Variants in POU6F2 observed in about 807,000 individuals in gnomAD.
POU6F2 encodes the protein POU class 6 homeobox 2, also known as POU domain, class 6, transcription factor 2.
Under a neutral mutation model 71.3 loss-of-function variants are expected in POU6F2, and 31 were observed. The observed-to-expected ratio is 0.43, with a 90% CI of 0.33 to 0.59. The LOEUF (loss-of-function observed/expected upper bound fraction) is 0.59. Ranked by LOEUF, POU6F2 falls within the 20% of genes least tolerant of loss-of-function variation. The pLI, the probability that POU6F2 is intolerant of heterozygous loss-of-function variation, is 0.04. For missense variants in POU6F2, 783 were observed against 856.8 expected, an observed-to-expected ratio of 0.91 and a Z score of 1.07; for synonymous variants, 347 against 355.7, an observed-to-expected ratio of 0.98 and a Z score of 0.27.
intron 1 of POU6F2, among the ~76,000 whole-genome samples, chr7:38,980,028 G>T (rs1788277796): frequency 6.6e-6 from 1 of 152,044 alleles, no homozygotes; most frequent in Non-Finnish European, 1.5e-5. Flanking sequence ...AATTTGTCAG[G>T]ATTTAAAATT....
At chr7:39,074,180 C>T (rs575909761) in intron 1 of POU6F2, among the ~76,000 whole-genome samples, 4 of 152,274 alleles carry the variant, frequency 2.6e-5, no homozygotes, top group African/African-American at 9.6e-5. Context: ...GAAGCCCCAT[C>T]TCTACTAAAA....
At chr7:39,338,586 C>T (rs781299609) in intron 4 of POU6F2, among the ~76,000 whole-genome samples, 4 of 152,182 alleles carry the variant, frequency 2.6e-5, no homozygotes, top group African/African-American at 7.2e-5. Context: ...ATGGTTGCAT[C>T]GTCATTTCAC....
intron 1 of POU6F2, among the ~76,000 whole-genome samples, chr7:38,998,816 A>ATTTTTTT (rs757703122): frequency 2.1e-4 from 25 of 116,550 alleles, no homozygotes; most frequent in African/African-American, 5.2e-4. Context: ...CACCCGGCTA[A>ATTTTTTT]TTTTTTTTTT....
chr7:39,082,869 A>G (rs1791155660), intron 1 of POU6F2, among the ~76,000 whole-genome samples: 1 of 151,860 alleles, frequency 6.6e-6, no homozygotes, highest in South Asian at 2.1e-4. Context: ...GCATTATGGA[A>G]AACGTAAAGT....
intron 4 of POU6F2, among the ~76,000 whole-genome samples, chr7:39,212,371 G>A (rs1584604659): frequency 1.3e-5 from 2 of 152,176 alleles, no homozygotes; most frequent in Admixed American, 6.5e-5. Context: ...CAATGGTGAG[G>A]TTTAGGTTCT....
At chr7:39,017,813 C>CGCGTGT (rs1554308521) in intron 1 of POU6F2, among the ~76,000 whole-genome samples, 1 of 147,924 alleles carries the variant, frequency 6.8e-6, no homozygotes, top group African/African-American at 2.5e-5. Context: ...ATTGTGCATG[C>CGCGTGT]GTGTGTGTGT....
At chr7:39,180,525 G>T (rs1793415653) in intron 2 of POU6F2, among the ~76,000 whole-genome samples, 1 of 152,142 alleles carries the variant, frequency 6.6e-6, no homozygotes, top group Non-Finnish European at 1.5e-5. Flanking sequence ...TGCTCCCAGG[G>T]ATTAGCTTGT....
At chr7:39,126,270 G>C (rs1019592150) in intron 2 of POU6F2, among the ~76,000 whole-genome samples, 1 of 152,210 alleles carries the variant, frequency 6.6e-6, no homozygotes, top group Admixed American at 6.5e-5. Flanking sequence ...GATAGGGAAA[G>C]GAAAAGGAAA....
intron 7 of POU6F2, among the ~76,000 whole-genome samples, chr7:39,440,857 G>A (rs1186206870): frequency 6.6e-6 from 1 of 152,010 alleles, no homozygotes; most frequent in African/African-American, 2.4e-5. Flanking sequence ...ATCGTTGGAG[G>A]GTTTTTGTGA....
chr7:39,112,341 T>A (rs1483159666), intron 2 of POU6F2, among the ~76,000 whole-genome samples: 1 of 152,204 alleles, frequency 6.6e-6, no homozygotes, highest in Non-Finnish European at 1.5e-5. Flanking sequence ...AAGTGCTCGC[T>A]ATAACAAAAT....
At chr7:39,334,948 A>C (rs1785736502) in intron 4 of POU6F2, among the ~76,000 whole-genome samples, 1 of 152,166 alleles carries the variant, frequency 6.6e-6, no homozygotes, top group South Asian at 2.1e-4. Context: ...AGTTAGGGAC[A>C]AATCCAGCTG....
chr7:39,387,930 C>T (rs1301876711), intron 5 of POU6F2, among the ~76,000 whole-genome samples: 2 of 152,128 alleles, frequency 1.3e-5, no homozygotes, highest in Non-Finnish European at 2.9e-5. Context: ...CCTCCTGCCT[C>T]GAGCAGTCAT....
intron 6 of POU6F2, among the ~76,000 whole-genome samples, chr7:39,424,956 G>A (rs1170251603): frequency 1.3e-5 from 2 of 152,048 alleles, no homozygotes; most frequent in Non-Finnish European, 2.9e-5. Context: ...CAAAGGACCC[G>A]AGAAATATTC....
intron 4 of POU6F2, among the ~76,000 whole-genome samples, chr7:39,266,168 G>A (rs1784235889): frequency 6.6e-6 from 1 of 152,140 alleles, no homozygotes; most frequent in South Asian, 2.1e-4. Flanking sequence ...GAACCATCAG[G>A]GAAGTTCCCT....
intron 4 of POU6F2, among the ~76,000 whole-genome samples, chr7:39,263,398 T>C (rs898769639): frequency 1.3e-5 from 2 of 152,184 alleles, no homozygotes; most frequent in Non-Finnish European, 2.9e-5. Flanking sequence ...AGTCAAGGTT[T>C]TTTTCTTTTA....
chr7:39,216,802 G>A (rs1794252054), intron 4 of POU6F2, among the ~76,000 whole-genome samples: 1 of 152,018 alleles, frequency 6.6e-6, no homozygotes, highest in Admixed American at 6.6e-5. Flanking sequence ...TTATGGAAAT[G>A]GGAGACTCAG....
At chr7:39,295,992 G>A (rs1356999051) in intron 4 of POU6F2, among the ~76,000 whole-genome samples, 2 of 152,116 alleles carry the variant, frequency 1.3e-5, no homozygotes, top group South Asian at 2.1e-4. Context: ...TCAGACCTTT[G>A]CACCCTAATG....
At position 39,176,601 on chromosome 7, in the gene POU6F2, C is replaced by T. The variant is rs771923871; in HGVS notation, c.278-27634C>T. 2.6e-4 allele frequency among the ~76,000 whole-genome samples: 40 copies of T among 152,144 alleles called. 1 individual carries two copies. Among genetic ancestry groups the T allele is most frequent in the Non-Finnish European group, 4.9e-4 (33 of 68,024 alleles). The stretch of plus-strand genomic sequence containing the variant: ...TTCCAAAATATGCTTCCTGGATCAT[C>T]GCTGCTCTACTGATCATAACTTTTA... On this transcript the variant is annotated intron_variant, in intron 2 of 9. Transcript: ENST00000518318.
intron 2 of POU6F2, among the ~76,000 whole-genome samples, chr7:39,146,785 A>T (rs766903261): frequency 6.6e-6 from 1 of 152,206 alleles, no homozygotes; most frequent in Non-Finnish European, 1.5e-5. Flanking sequence ...GAGTAGAATG[A>T]GTTGCCCAAG....
Sources: gnomAD v4.1 joint callset for allele counts (sites outside exome capture counted in the v4.1 genomes callset) on GRCh38, gnomAD v4.1.1 for gene constraint, MANE v1.5 for transcripts, NCBI Gene and HGNC (gene_info 2026-07-23, HGNC 2026-07-21) for gene names.